The following CADPS2 variants were observed in gnomAD, a reference collection of about 807,000 sequenced individuals.
The protein encoded by CADPS2 is calcium-dependent secretion activator 2.
CADPS2 carries 93 observed loss-of-function variants against 172.5 expected under a neutral mutation model. The ratio of observed to expected loss-of-function variants is 0.54; its 90% CI spans 0.46 to 0.64. CADPS2 has a LOEUF of 0.64. Among genes scored for constraint, CADPS2 ranks in the 30% least tolerant of loss-of-function variants. CADPS2 has a pLI of 0.00. For missense variants in CADPS2, 1,420 were observed against 1,565.9 expected (o/e 0.91, Z 1.57); for synonymous variants, 546 against 555.2 (o/e 0.98, Z 0.23).
chr7:122,675,618 C>G (rs938547862), intron 2 of CADPS2, among the ~76,000 whole-genome samples: 3 of 152,070 alleles, frequency 2.0e-5, no homozygotes, highest in African/African-American at 7.2e-5. Context: ...CACATATACA[C>G]CATGGAATAC....
chr7:122,324,810 A>C (rs917952445), intron 29 of CADPS2, among the ~76,000 whole-genome samples: 1 of 152,166 alleles, frequency 6.6e-6, no homozygotes, highest in African/African-American at 2.4e-5. Context: ...TACTTACATT[A>C]GAATTTACAA....
intron 3 of CADPS2, among the ~76,000 whole-genome samples, chr7:122,652,879 T>C (rs2079322537): frequency 6.6e-6 from 1 of 152,196 alleles, no homozygotes; most frequent in African/African-American, 2.4e-5. Context: ...ATCTTAACTA[T>C]GGTATGTGCT....
At position 122,554,648 on chromosome 7, in the gene CADPS2, T is replaced by C. The variant is rs764468255; in HGVS notation, c.1377A>G (p.Glu459=). Residue 459 remains glutamate (E), a synonymous_variant, in exon 8 of 30, where the codon GAA becomes GAG. Coordinates refer to ENST00000449022, the MANE Select transcript of CADPS2 (RefSeq NM_017954.11). ...TTTTTGGAACTACCATTCGGTGTAA[T>C]TCAGCTGATTTGGAGCTATTAGAAG... ...YPTSNSSKSA[E]LHRMVVPKNS... is the part of the protein sequence containing the mutation. 2 of 1,611,100 alleles carry C rather than the reference T, an allele frequency of 1.2e-6. No homozygotes were observed. The highest frequency in any genetic ancestry group is 1.7e-5 in the Admixed American group (1 of 59,658).
intron 6 of CADPS2, among the ~76,000 whole-genome samples, chr7:122,590,872 T>C (rs990348717): frequency 3.3e-5 from 5 of 152,008 alleles, no homozygotes; most frequent in African/African-American, 1.2e-4. Flanking sequence ...TAATAGTTAA[T>C]TTATACAGCA....
At chr7:122,788,980 G>A (rs530088648) in intron 1 of CADPS2, among the ~76,000 whole-genome samples, 1 of 152,244 alleles carries the variant, frequency 6.6e-6, no homozygotes, top group East Asian at 1.9e-4. Context: ...GCTCCTGTTG[G>A]ATGCTGATCA....
intron 3 of CADPS2, among the ~76,000 whole-genome samples, chr7:122,630,921 T>G (rs1462900933): frequency 6.6e-6 from 1 of 152,138 alleles, no homozygotes; most frequent in Non-Finnish European, 1.5e-5. Flanking sequence ...CTATGTCATC[T>G]CATAAAACTA....
intron 1 of CADPS2, among the ~76,000 whole-genome samples, chr7:122,769,780 A>G (rs1386838679): frequency 1.3e-5 from 2 of 152,266 alleles, no homozygotes; most frequent in East Asian, 1.9e-4. Flanking sequence ...GAACCTACCA[A>G]TTGTTGACTG....
intron 19 of CADPS2, among the ~76,000 whole-genome samples, chr7:122,412,633 C>T (rs892013708): frequency 7.2e-5 from 11 of 152,090 alleles, no homozygotes; most frequent in Admixed American, 6.5e-4. Context: ...TTCTTGCCCA[C>T]GGTGGAATGG....
chr7:122,735,899 A>T (rs2092117588), intron 2 of CADPS2, among the ~76,000 whole-genome samples: 1 of 152,142 alleles, frequency 6.6e-6, no homozygotes, highest in Non-Finnish European at 1.5e-5. Context: ...TACATGATGA[A>T]ATCTTCCTCT....
At chr7:122,575,604 T>C (rs1038715777) in intron 7 of CADPS2, among the ~76,000 whole-genome samples, 2 of 151,834 alleles carry the variant, frequency 1.3e-5, no homozygotes, top group Non-Finnish European at 2.9e-5. Context: ...ACCCAGATAA[T>C]TTTTGTATTT....
intron 2 of CADPS2, among the ~76,000 whole-genome samples, chr7:122,669,360 T>A (rs2081534844): frequency 6.7e-6 from 1 of 149,936 alleles, no homozygotes; most frequent in South Asian, 2.1e-4. Flanking sequence ...TATATATTTT[T>A]TTTTTTTGAG....
intron 9 of CADPS2, among the ~76,000 whole-genome samples, chr7:122,499,638 G>C (rs1311630009): frequency 2.6e-5 from 4 of 152,040 alleles, no homozygotes; most frequent in Non-Finnish European, 5.9e-5. Flanking sequence ...ATATGTATGA[G>C]AAAAACTGTG....
intron 19 of CADPS2, 47 bp from the exon 20 acceptor site, chr7:122,407,743 G>GA (rs1474617181): frequency 6.6e-7 from 1 of 1,509,646 alleles, no homozygotes; most frequent in Non-Finnish European, 9.0e-7. Flanking sequence ...TTACTTTTTA[G>GA]AAACATGCAC....
At chr7:122,561,631 G>C (rs531588806) in intron 7 of CADPS2, among the ~76,000 whole-genome samples, 3 of 152,220 alleles carry the variant, frequency 2.0e-5, no homozygotes, top group African/African-American at 7.2e-5. Context: ...TTGTGTAGTA[G>C]ACAGGGTAAT....
At chr7:122,350,571 A>G (rs1227916546) in intron 27 of CADPS2, among the ~76,000 whole-genome samples, 2 of 152,246 alleles carry the variant, frequency 1.3e-5, no homozygotes, top group African/African-American at 4.8e-5. Context: ...AAGTTTTTAC[A>G]AAGTAGATTA....
chr7:122,403,349 G>A (rs2046199211), intron 20 of CADPS2, among the ~76,000 whole-genome samples: 1 of 152,048 alleles, frequency 6.6e-6, no homozygotes, highest in African/African-American at 2.4e-5. Flanking sequence ...TCTCTACATG[G>A]GGGAGCTGTT....
intron 27 of CADPS2, among the ~76,000 whole-genome samples, chr7:122,349,934 G>C (rs1332089185): frequency 6.6e-6 from 1 of 152,128 alleles, no homozygotes; most frequent in Non-Finnish European, 1.5e-5. Context: ...TTCCACTGAA[G>C]GTTAGCAATA....
rs189660679 is a variant in CADPS2 at position 122,343,703 on chromosome 7, C to T, written c.3612+1871G>A. 2.3e-4 allele frequency among the ~76,000 whole-genome samples: 35 copies of T among 152,264 alleles called. No individual in the cohort carries two copies. The South Asian group carries it at 2.7e-3, about 12-fold the overall frequency. ...GGCTTTAACTTTTCAACATAGAAGA[C>T]GTGCTTTAGCTATTCTAAGAAGAAA... On this transcript the variant is annotated intron_variant, in intron 28 of 29. Coordinates refer to ENST00000449022, the MANE Select transcript of CADPS2 (RefSeq NM_017954.11).
At chr7:122,816,924 T>C (rs1189470361) in intron 1 of CADPS2, among the ~76,000 whole-genome samples, 2 of 151,682 alleles carry the variant, frequency 1.3e-5, no homozygotes, top group African/African-American at 4.9e-5. Flanking sequence ...CTTGTGAAAG[T>C]CCTTTTCCTG....
Sources: allele counts gnomAD v4.1 joint callset (sites outside exome capture counted in the v4.1 genomes callset), GRCh38; gene constraint gnomAD v4.1.1; transcripts MANE v1.5; gene names NCBI Gene and HGNC (gene_info 2026-07-23, HGNC 2026-07-21).